Variants in ESRP1 observed in about 807,000 individuals in gnomAD.
ESRP1 encodes epithelial splicing regulatory protein 1, also known as RNA-binding motif protein 35A.
ESRP1 carries 33 observed loss-of-function variants against 81.7 expected under a neutral mutation model. The observed-to-expected ratio is 0.40, with a 90% CI of 0.31 to 0.54. The LOEUF (loss-of-function observed/expected upper bound fraction) is 0.54, where lower values mean the gene tolerates loss of function less well. ESRP1 is among the 20% of genes least tolerant of loss of function. The pLI is 0.41. For missense variants in ESRP1, 672 were observed against 833.1 expected, an observed-to-expected ratio of 0.81 and a Z score of 2.38; for synonymous variants, 320 against 303.3, an observed-to-expected ratio of 1.06 and a Z score of -0.57.
At chr8:94,692,968 A>G in intron 14 of ESRP1, 141 bp downstream of exon 14, 3 of 920,232 alleles carry the variant, frequency 3.3e-6, no homozygotes. Flanking sequence ...GGAAACAAAT[A>G]GATCTGGAGT....
chr8:94,694,759 T>A (rs1809531801), intron 14 of ESRP1, among the ~76,000 whole-genome samples: 1 of 152,218 alleles, frequency 6.6e-6, no homozygotes, highest in Admixed American at 6.5e-5. Context: ...AGTAACTTCT[T>A]AGAACCATTC....
intron 14 of ESRP1, among the ~76,000 whole-genome samples, chr8:94,695,117 C>G (rs1261496544): frequency 6.6e-6 from 1 of 152,084 alleles, no homozygotes; most frequent in Non-Finnish European, 1.5e-5. Flanking sequence ...GGGGTTCCAT[C>G]TTCTTTAGAT....
chr8:94,652,917 T>C (rs912856019), intron 4 of ESRP1, among the ~76,000 whole-genome samples: 120 of 152,294 alleles, frequency 7.9e-4, no homozygotes, highest in African/African-American at 2.8e-3. Context: ...ATATACAAGG[T>C]GAAATATTTT....
chr8:94,658,946 G>A (rs1818577211), intron 4 of ESRP1, among the ~76,000 whole-genome samples: 1 of 152,096 alleles, frequency 6.6e-6, no homozygotes, highest in Non-Finnish European at 1.5e-5. Context: ...TTTTGAGACA[G>A]CATCTTGCTC....
chr8:94,704,551 G>T lies in ESRP1; in HGVS notation c.*36-1374G>T, dbSNP rs533871765. 5.9e-5 allele frequency among the ~76,000 whole-genome samples: 9 copies of T among 152,066 alleles called. No individual in the cohort carries two copies. The East Asian group carries it at 1.7e-3, about 29-fold the overall frequency. On this transcript the variant is annotated intron_variant, in intron 15 of 15. Coordinates refer to ENST00000433389, the MANE Select transcript of ESRP1 (RefSeq NM_017697.4). ...GGTCAAGGCAGGAGGATTGCTCGAG[G>T]CCTGGAGTTTGAGACCAGACTGGTC...
intron 4 of ESRP1, among the ~76,000 whole-genome samples, chr8:94,650,913 G>A (rs536810985): frequency 1.3e-5 from 2 of 152,186 alleles, no homozygotes; most frequent in South Asian, 4.2e-4. Context: ...CACCATGTTA[G>A]CCAGGATGGT....
chr8:94,684,186 G>A (rs1563542001), intron 13 of ESRP1, among the ~76,000 whole-genome samples: 1 of 152,160 alleles, frequency 6.6e-6, no homozygotes, highest in Non-Finnish European at 1.5e-5. Flanking sequence ...TTTTTTGACA[G>A]CACATAAATT....
chr8:94,699,658 A>G (rs73265264), intron 15 of ESRP1, among the ~76,000 whole-genome samples: 164 of 152,250 alleles, frequency 1.1e-3, no homozygotes, highest in African/African-American at 3.9e-3. Context: ...AAAAAAGCAT[A>G]GATTACTGTG....
At chr8:94,663,871 T>C (rs1818882220) in intron 6 of ESRP1, among the ~76,000 whole-genome samples, 1 of 151,914 alleles carries the variant, frequency 6.6e-6, no homozygotes, top group South Asian at 2.1e-4. Context: ...TCACAGGCAT[T>C]TCTATGGACA....
intron 13 of ESRP1, among the ~76,000 whole-genome samples, chr8:94,685,508 A>G (rs1297599877): frequency 1.3e-5 from 2 of 152,260 alleles, no homozygotes; most frequent in Non-Finnish European, 2.9e-5. Flanking sequence ...ACCCTGTCTC[A>G]GAAAACAAAA....
chr8:94,673,899 G>T (rs1308193213), intron 11 of ESRP1, among the ~76,000 whole-genome samples: 1 of 152,140 alleles, frequency 6.6e-6, no homozygotes, highest in Non-Finnish European at 1.5e-5. Context: ...CTGTAGGAGG[G>T]TACCTAAAGC....
At position 94,641,287 on chromosome 8, in the gene ESRP1, G is replaced by T; in HGVS notation, c.-32G>T. ...CTTCCACACCACCTTACCGCCTCCC[G>T]ACCCCCCCTCTCCCCCTCCCCACCT... On this transcript the variant is annotated 5_prime_UTR_variant, in exon 1 of 16. Coordinates refer to ENST00000433389, the MANE Select transcript of ESRP1 (RefSeq NM_017697.4). 9.2e-7 allele frequency: 1 copy of T among 1,084,118 alleles called. No homozygotes were observed. The highest frequency in any genetic ancestry group is 1.4e-6 in the Non-Finnish European group (1 of 726,210). 67.2% of individuals were successfully genotyped at this position (1,084,118 alleles called of 1,614,324 possible).
intron 3 of ESRP1, among the ~76,000 whole-genome samples, chr8:94,644,647 A>G (rs1817757093): frequency 6.6e-6 from 1 of 152,202 alleles, no homozygotes; most frequent in Non-Finnish European, 1.5e-5. Flanking sequence ...CTGTTGGGCC[A>G]GAGGAAAATA....
At chr8:94,659,692 C>T (rs1046366711) in intron 4 of ESRP1, among the ~76,000 whole-genome samples, 1 of 152,142 alleles carries the variant, frequency 6.6e-6, no homozygotes, top group African/African-American at 2.4e-5. Context: ...AGGAAAATTT[C>T]TTGAATATTC....
At position 94,692,847 on chromosome 8, in the gene ESRP1, A is replaced by G. The variant is rs1809459381; in HGVS notation, c.1971+20A>G. On this transcript the variant is annotated intron_variant, in intron 14 of 15. Coordinates refer to ENST00000433389, the MANE Select transcript of ESRP1 (RefSeq NM_017697.4). The stretch of plus-strand genomic sequence containing the variant: ...TACCAGGTCAGTAGCTTGAAGGAGA[A>G]TAATCCTCAGTGCCCTTATTACTTA... 1.2e-6 allele frequency: 2 copies of G among 1,609,276 alleles called. No individual in the cohort carries two copies. Among genetic ancestry groups the G allele is most frequent in the African/African-American group, 1.3e-5 (1 of 74,888 alleles).
rs191013899 is a variant in ESRP1, at chr8:94,655,120, C to T, written c.491-7152C>T. ...TTGTTTTGTTTAGTTTTTTTTGATACGGCGTCTCACCCAGGCTGGGGTGCA... is the reference window on the plus strand; with the variant it reads ...TTGTTTTGTTTAGTTTTTTTTGATATGGCGTCTCACCCAGGCTGGGGTGCA... On this transcript the variant is annotated intron_variant, in intron 4 of 15. Coordinates refer to ENST00000433389, the MANE Select transcript of ESRP1 (RefSeq NM_017697.4). Among the ~76,000 whole-genome samples the T allele has an allele frequency of 2.5e-3, 362 of 146,634 alleles. 1 individual carries two copies. The highest frequency in any genetic ancestry group is 8.0e-3 in the African/African-American group (316 of 39,292).
chr8:94,688,422 C>G (rs1385624101), intron 13 of ESRP1: 5 of 276,486 alleles, frequency 1.8e-5, no homozygotes, highest in Non-Finnish European at 3.5e-5. Context: ...GTGAACCTCA[C>G]AGGCAAGTTA....
rs757904349 is a variant in ESRP1 at position 94,706,296 on chromosome 8, C to A, written c.*407C>A. ...TCCACCATGAACTCTGTTAAGGAAGCTTCATTTTTGTATATTCCCGCTCTT... is the reference window on the plus strand; with the variant it reads ...TCCACCATGAACTCTGTTAAGGAAGATTCATTTTTGTATATTCCCGCTCTT... On this transcript the variant is annotated 3_prime_UTR_variant, in exon 16 of 16. Coordinates refer to ENST00000433389, the MANE Select transcript of ESRP1 (RefSeq NM_017697.4). 3.2e-5 allele frequency: 7 copies of A among 218,622 alleles called. No homozygotes were observed. Among genetic ancestry groups the A allele is most frequent in the Non-Finnish European group, 5.4e-5 (6 of 110,988 alleles). 13.5% of individuals were successfully genotyped at this position (218,622 alleles called of 1,614,324 possible). A position where few individuals can be genotyped will look rare whatever the true frequency, so the allele number is the denominator to read the frequency against.
intron 13 of ESRP1, among the ~76,000 whole-genome samples, chr8:94,682,399 C>T (rs1180429939): frequency 1.3e-5 from 2 of 152,118 alleles, no homozygotes; most frequent in Non-Finnish European, 2.9e-5. Flanking sequence ...TGTAGTCTGG[C>T]TCTATCACCC....
Sources: allele counts gnomAD v4.1 joint callset (sites outside exome capture counted in the v4.1 genomes callset), GRCh38; gene constraint gnomAD v4.1.1; transcripts MANE v1.5; gene names NCBI Gene and HGNC (gene_info 2026-07-23, HGNC 2026-07-21).